SP1: variants seen among roughly 807,000 people sequenced by gnomAD.
SP1 encodes Sp1 transcription factor, also known as transcription factor Sp1.
A neutral mutation model predicts 66.3 loss-of-function variants in SP1; 6 were observed. The ratio of observed to expected loss-of-function variants is 0.09; its 90% CI spans 0.05 to 0.18. SP1 has a LOEUF of 0.18. Among genes scored for constraint, SP1 ranks in the 10% least tolerant of loss-of-function variants. The probability of loss-of-function intolerance (pLI) is 1.00; values close to 1 mark genes in which losing one functional copy is unlikely to be tolerated. For synonymous variants in SP1, 417 were observed against 360.8 expected (o/e 1.16, Z -1.77); for missense variants, 848 against 964.5 (o/e 0.88, Z 1.60).
At chr12:53,399,158 A>C (rs367870373) in intron 3 of SP1, among the ~76,000 whole-genome samples, 1 of 152,178 alleles carries the variant, frequency 6.6e-6, no homozygotes, top group East Asian at 1.9e-4. Context: ...ACTTAACCTT[A>C]TTGATGTACA....
chr12:53,389,222 T>C (rs1938297166), intron 3 of SP1, among the ~76,000 whole-genome samples: 1 of 149,308 alleles, frequency 6.7e-6, no homozygotes, highest in South Asian at 2.1e-4. Context: ...TGATCTTTTT[T>C]TTTTTTTTTT....
rs996308898 is a variant in SP1, at chr12:53,411,985, C to G, written c.*745C>G. On this transcript the variant is annotated 3_prime_UTR_variant, in exon 6 of 6. Coordinates refer to ENST00000327443, the MANE Select transcript of SP1 (RefSeq NM_138473.3). ...GCCGTCTCATCTTCTCTCATCTGAT[C>G]ACTTCATGTTTTGTTTTTGTTACTG... 6.6e-6 allele frequency: 1 copy of G among 152,184 alleles called. No homozygotes were observed. The highest frequency in any genetic ancestry group is 1.5e-5 in the Non-Finnish European group (1 of 68,044). 9.4% of individuals were successfully genotyped at this position (152,184 alleles called of 1,614,324 possible).
Position 53,415,631 on chromosome 12 carries a change from T to C in SP1, c.*4391T>C, listed in dbSNP as rs915498702. ...TCAACTGCCCTAAGTCCTAGCTAAGTATCAGGGGAAAAAAAAAAAAAAAAA... is the reference window on the plus strand; with the variant it reads ...TCAACTGCCCTAAGTCCTAGCTAAGCATCAGGGGAAAAAAAAAAAAAAAAA... On this transcript the variant is annotated 3_prime_UTR_variant, in exon 6 of 6. Transcript: ENST00000327443. 2.1e-5 allele frequency: 3 copies of C among 145,252 alleles called. No individual in the cohort carries two copies. The highest frequency in any genetic ancestry group is 7.7e-5 in the African/African-American group (3 of 38,804). 9.0% of individuals were successfully genotyped at this position (145,252 alleles called of 1,614,324 possible). A position where few individuals can be genotyped will look rare whatever the true frequency, so the allele number is the denominator to read the frequency against.
In SP1 at chr12:53,406,576, T is replaced by C; in HGVS notation, c.1676-9T>C. 1 of 1,612,970 alleles carries C rather than the reference T, an allele frequency of 6.2e-7. No individual in the cohort carries two copies. Among genetic ancestry groups the C allele is most frequent in the Non-Finnish European group, 8.5e-7 (1 of 1,179,142 alleles). Reference sequence around the variant, plus strand: ...GTCACATGTTGACCCTTTTCTCTCTTAATTTCAGGTGATCATGGAGCTCAG... The same window carrying C: ...GTCACATGTTGACCCTTTTCTCTCTCAATTTCAGGTGATCATGGAGCTCAG... On this transcript the variant is annotated splice_polypyrimidine_tract_variant and intron_variant, in intron 3 of 5. Coordinates refer to ENST00000327443, the MANE Select transcript of SP1 (RefSeq NM_138473.3).
chr12:53,401,288 T>TA (rs1336095635), intron 3 of SP1, among the ~76,000 whole-genome samples: 1 of 151,464 alleles, frequency 6.6e-6, no homozygotes, highest in Non-Finnish European at 1.5e-5. Context: ...CTGTCTCTAC[T>TA]AAAAGTACAA....
chr12:53,392,927 C>T (rs545390243), intron 3 of SP1, among the ~76,000 whole-genome samples: 2 of 152,162 alleles, frequency 1.3e-5, no homozygotes, highest in South Asian at 2.1e-4. Flanking sequence ...CGGGTTCAAG[C>T]GATTCTCCTG....
At chr12:53,402,280 A>G (rs1417638126) in intron 3 of SP1, among the ~76,000 whole-genome samples, 2 of 147,702 alleles carry the variant, frequency 1.4e-5, no homozygotes, top group Admixed American at 6.9e-5. Flanking sequence ...CTGGAGTGCA[A>G]TGGCAGGATC....
At position 53,385,447 on chromosome 12, in the gene SP1, T is replaced by C. The variant is rs867368159; in HGVS notation, c.1675+1825T>C. ...TGTCTCTACTAAAAATACAAAAAAT[T>C]AGCTGGGCATGGTGGCGCGCACCTG... is the stretch of plus-strand genomic sequence containing the variant. On this transcript the variant is annotated intron_variant, in intron 3 of 5. Transcript: ENST00000327443. 3.3e-5 allele frequency among the ~76,000 whole-genome samples: 5 copies of C among 149,614 alleles called. No homozygotes were observed. In the South Asian group the frequency reaches 8.4e-4, roughly 25 times the overall value.
chr12:53,398,937 G>C (rs1337953858), intron 3 of SP1, among the ~76,000 whole-genome samples: 2 of 152,066 alleles, frequency 1.3e-5, no homozygotes, highest in African/African-American at 4.8e-5. Flanking sequence ...CCATCTTTTT[G>C]TACATTTCTG....
At chr12:53,394,199 G>T (rs1938419712) in intron 3 of SP1, among the ~76,000 whole-genome samples, 1 of 149,990 alleles carries the variant, frequency 6.7e-6, no homozygotes, top group South Asian at 2.1e-4. Context: ...TGGGCAACAA[G>T]ACCGAAACTC....
At chr12:53,395,475 T>G (rs1938467635) in intron 3 of SP1, among the ~76,000 whole-genome samples, 1 of 152,220 alleles carries the variant, frequency 6.6e-6, no homozygotes, top group African/African-American at 2.4e-5. Flanking sequence ...ATACTTATGA[T>G]TTAGTTAACT....
In SP1 at chr12:53,408,245, C is replaced by CAAAA. The variant is rs548495020; in HGVS notation, c.1845-1106_1845-1103dup. Among the ~76,000 whole-genome samples the CAAAA allele has an allele frequency of 3.1e-3, 302 of 97,720 alleles. 4 individuals carry two copies. Among genetic ancestry groups the CAAAA allele is most frequent in the Non-Finnish European group, 5.2e-3 (247 of 47,780 alleles). 64.1% of individuals were successfully genotyped at this position (97,720 alleles called of 152,430 possible). On this transcript the variant is annotated intron_variant, in intron 4 of 5. Transcript: ENST00000327443. Reference sequence around the variant, plus strand: ...TGGGCGACAGAGTGAGACTCTGTCTCAAAAAAAAAAAAAAGAGCTTCGCTC... The same window carrying CAAAA: ...TGGGCGACAGAGTGAGACTCTGTCTCAAAAAAAAAAAAAAAAAAGAGCTTCGCTC...
rs931106558 is a variant in SP1, at chr12:53,411,547, C to T, written c.*307C>T. ...AGCCTACCCTTCCTGCATTTCTCTT[C>T]TCAGCTCTTCCATGATGGATTCCCC... On this transcript the variant is annotated 3_prime_UTR_variant, in exon 6 of 6. Transcript: ENST00000327443. The T allele has an allele frequency of 4.3e-6, 1 of 234,724 alleles. No homozygotes were observed. Among genetic ancestry groups the T allele is most frequent in the African/African-American group, 2.3e-5 (1 of 44,180 alleles). 14.5% of individuals were successfully genotyped at this position (234,724 alleles called of 1,614,324 possible).
At position 53,415,775 on chromosome 12, in the gene SP1, G is replaced by A. The variant is rs1415768081; in HGVS notation, c.*4535G>A. Reference sequence around the variant, plus strand: ...GAATTACACTGTGCCTTTTCCCCAGGGATATGGGCTCTGTCTACCCAGTGC... The same window carrying A: ...GAATTACACTGTGCCTTTTCCCCAGAGATATGGGCTCTGTCTACCCAGTGC... On this transcript the variant is annotated 3_prime_UTR_variant, in exon 6 of 6. Transcript: ENST00000327443. 11 of 152,556 alleles carry A rather than the reference G, an allele frequency of 7.2e-5. No homozygotes were observed. The allele number at this position is 152,556 out of a possible 1,614,324, so 9.5% of individuals were successfully genotyped here.
intron 1 of SP1, chr12:53,380,675 C>G: frequency 1.0e-6 from 1 of 988,702 alleles, no homozygotes; most frequent in Non-Finnish European, 1.2e-6. Context: ...CCTGCCTGGT[C>G]CGCCCTCTGG....
intron 3 of SP1, among the ~76,000 whole-genome samples, chr12:53,404,262 G>A (rs777555851): frequency 2.0e-5 from 3 of 151,358 alleles, no homozygotes; most frequent in Admixed American, 6.6e-5. Flanking sequence ...AGCCGGGTGC[G>A]GTGACTCACG....
intron 3 of SP1, among the ~76,000 whole-genome samples, chr12:53,402,681 A>T (rs1938634940): frequency 6.7e-6 from 1 of 148,568 alleles, no homozygotes; most frequent in Non-Finnish European, 1.5e-5. Context: ...TCTACTAAAA[A>T]TGCAGCCGGG....
chr12:53,400,866 A>G (rs1938594756), intron 3 of SP1, among the ~76,000 whole-genome samples: 2 of 147,368 alleles, frequency 1.4e-5, no homozygotes, highest in Admixed American at 7.1e-5. Context: ...GGTTCACGCC[A>G]TTCTCCTGCC....
In SP1 at chr12:53,382,786, G is replaced by A. The variant is rs1938136677; in HGVS notation, c.839G>A (p.Ser280Asn). The part of the protein sequence containing the change: ...NSVSAATLTP[S>N]SQAVTISSSG... ...GTTTCTGCAGCTACCTTGACTCCCAGCTCTCAGGCAGTCACGATCAGCAGC... is the reference window on the plus strand; with the variant it reads ...GTTTCTGCAGCTACCTTGACTCCCAACTCTCAGGCAGTCACGATCAGCAGC... Residue 280 changes from serine to asparagine, a missense_variant, in exon 3 of 6, where the codon AGC becomes AAC. Transcript: ENST00000327443. 6.2e-7 allele frequency: 1 copy of A among 1,614,058 alleles called. No individual in the cohort carries two copies. Among genetic ancestry groups the A allele is most frequent in the Non-Finnish European group, 8.5e-7 (1 of 1,180,038 alleles).
Sources: allele counts gnomAD v4.1 joint callset (sites outside exome capture counted in the v4.1 genomes callset), GRCh38; gene constraint gnomAD v4.1.1; transcripts MANE v1.5; gene names NCBI Gene and HGNC (gene_info 2026-07-23, HGNC 2026-07-21).